PATJ: variants seen among roughly 807,000 people sequenced by gnomAD.
PATJ encodes PATJ crumbs cell polarity complex component, also known as inaD-like protein.
Under a neutral mutation model 224.9 loss-of-function variants are expected in PATJ, and 190 were observed. The ratio of observed to expected loss-of-function variants is 0.84; its 90% CI spans 0.75 to 0.95. The LOEUF (loss-of-function observed/expected upper bound fraction) is 0.95, where lower values mean the gene tolerates loss of function less well. Among genes scored for constraint, PATJ ranks in the 40% least tolerant of loss-of-function variants. The pLI, the probability that PATJ is intolerant of heterozygous loss-of-function variation, is 0.00. For missense variants in PATJ, 2,121 were observed against 2,270.3 expected (o/e 0.93, Z 1.34); for synonymous variants, 769 against 820.3 (o/e 0.94, Z 1.07).
At chr1:62,103,049 C>T (rs980447009) in intron 33 of PATJ, among the ~76,000 whole-genome samples, 1 of 152,008 alleles carries the variant, frequency 6.6e-6, no homozygotes, top group Non-Finnish European at 1.5e-5. Flanking sequence ...TTCCACAAGT[C>T]ATCTTTTTGT....
At chr1:62,037,201 A>T (rs59007778) in intron 29 of PATJ, among the ~76,000 whole-genome samples, 184 of 152,320 alleles carry the variant, frequency 1.2e-3, no homozygotes, top group African/African-American at 4.2e-3. Context: ...CAAACTTCAC[A>T]TAAATCTTGA....
intron 15 of PATJ, among the ~76,000 whole-genome samples, chr1:61,823,924 A>T (rs1657740989): frequency 6.6e-6 from 1 of 152,212 alleles, no homozygotes; most frequent in South Asian, 2.1e-4. Flanking sequence ...AAATTCTGTC[A>T]TAAGCATGGG....
intron 41 of PATJ, among the ~76,000 whole-genome samples, chr1:62,139,182 C>T (rs559884205): frequency 1.6e-4 from 24 of 152,114 alleles, no homozygotes; most frequent in Admixed American, 3.9e-4. Flanking sequence ...AGGCGGATCA[C>T]GTGAGGTTGG....
chr1:61,839,914 C>T (rs1189638548), intron 17 of PATJ, among the ~76,000 whole-genome samples: 2 of 151,796 alleles, frequency 1.3e-5, no homozygotes, highest in African/African-American at 4.8e-5. Flanking sequence ...ATAACATAGC[C>T]ATTGGGAGGT....
intron 27 of PATJ, chr1:61,952,471 T>C (rs1679861338): frequency 1.4e-6 from 1 of 716,418 alleles, no homozygotes; most frequent in Non-Finnish European, 2.6e-6. Flanking sequence ...TGATGCTGTT[T>C]TAGTGTTGGT....
At chr1:61,768,472 A>AAATAAATAAATAAAT (rs1557608338) in intron 4 of PATJ, among the ~76,000 whole-genome samples, 202 of 149,414 alleles carry the variant, frequency 1.4e-3, no homozygotes, top group African/African-American at 4.4e-3. Context: ...TCCGTCTCAA[A>AAATAAATAAATAAAT]AAATAAATAA....
At position 61,864,648 on chromosome 1, in the gene PATJ, T is replaced by G. The variant is rs1312331731; in HGVS notation, c.2835+15T>G. ...CTGAAAATGTGGTAAGAGATTAGAA[T>G]AGATATTCCACACCTCCCCTTCTGC... is the stretch of plus-strand genomic sequence containing the variant. On this transcript the variant is annotated intron_variant, in intron 20 of 43. Coordinates refer to ENST00000642238, the MANE Select transcript of PATJ (RefSeq NM_001350145.3). The G allele has an allele frequency of 5.1e-6, 8 of 1,570,538 alleles. No individual in the cohort carries two copies. The highest frequency in any genetic ancestry group is 6.9e-6 in the Non-Finnish European group (8 of 1,157,802).
intron 30 of PATJ, among the ~76,000 whole-genome samples, chr1:62,045,290 T>C (rs1652329972): frequency 6.6e-6 from 1 of 152,180 alleles, no homozygotes; most frequent in African/African-American, 2.4e-5. Context: ...TTAACTTTTA[T>C]TGAATGCCTA....
chr1:61,806,461 T>G (rs181855878), intron 13 of PATJ, among the ~76,000 whole-genome samples: 179 of 151,558 alleles, frequency 1.2e-3, no homozygotes, highest in African/African-American at 4.2e-3. Flanking sequence ...CTACTAAAAA[T>G]ACAAAAAATT....
At chr1:61,894,405 T>C (rs1050312199) in intron 22 of PATJ, among the ~76,000 whole-genome samples, 3 of 152,140 alleles carry the variant, frequency 2.0e-5, no homozygotes, top group African/African-American at 7.2e-5. Context: ...TCATCTCAAA[T>C]TGTAATCCCC....
rs772801549 is a variant in PATJ at position 62,160,900 on chromosome 1, G to C, written c.5503-8G>C. The C allele has an allele frequency of 3.1e-6, 5 of 1,613,552 alleles. No individual in the cohort carries two copies. Among genetic ancestry groups the C allele is most frequent in the Non-Finnish European group, 3.4e-6 (4 of 1,179,772 alleles). On this transcript the variant is annotated splice_region_variant and splice_polypyrimidine_tract_variant and intron_variant, in intron 43 of 43. Coordinates refer to ENST00000642238, the MANE Select transcript of PATJ (RefSeq NM_001350145.3). ...CCTGGATTAAACTGAAATGTTTCTT[G>C]TTTGTAGGGAGCAGCTGCAGATGAC...
At chr1:61,749,930 G>C (rs1316357899) in intron 1 of PATJ, among the ~76,000 whole-genome samples, 1 of 151,956 alleles carries the variant, frequency 6.6e-6, no homozygotes, top group Non-Finnish European at 1.5e-5. Context: ...TGCCTGCCTT[G>C]GCCTCCCAAA....
intron 26 of PATJ, among the ~76,000 whole-genome samples, chr1:61,918,366 G>A (rs988243327): frequency 1.4e-5 from 2 of 143,348 alleles, no homozygotes; most frequent in African/African-American, 5.2e-5. Context: ...GGAGTGAAGT[G>A]GCATGGCATC....
chr1:61,769,582 C>G (rs1223405977), intron 5 of PATJ, among the ~76,000 whole-genome samples, 160 bp downstream of exon 5: 3 of 152,140 alleles, frequency 2.0e-5, no homozygotes, highest in African/African-American at 4.8e-5. Context: ...TGCGAAAATC[C>G]TATACCCCAT....
At chr1:61,743,321 C>T (rs1478242040) in intron 1 of PATJ, among the ~76,000 whole-genome samples, 2 of 152,240 alleles carry the variant, frequency 1.3e-5, no homozygotes, top group Non-Finnish European at 2.9e-5. Flanking sequence ...CCCCAGCCGT[C>T]CCGCACGCAG....
chr1:61,757,568 T>G (rs1270920422), intron 1 of PATJ, among the ~76,000 whole-genome samples: 1 of 151,902 alleles, frequency 6.6e-6, no homozygotes, highest in Non-Finnish European at 1.5e-5. Context: ...GTGTTTTATG[T>G]AGATACAGGG....
chr1:62,084,286 C>G (rs1011365002), intron 32 of PATJ, among the ~76,000 whole-genome samples: 1 of 151,998 alleles, frequency 6.6e-6, no homozygotes, highest in African/African-American at 2.4e-5. Flanking sequence ...AGATTTAAAA[C>G]TTTCAAGTAA....
intron 37 of PATJ, 125 bp from the exon 38 acceptor site, chr1:62,121,056 C>A: frequency 1.6e-6 from 1 of 621,242 alleles, no homozygotes; most frequent in Non-Finnish European, 2.8e-6. Context: ...TCTTTCCTGG[C>A]CTCCTCACGA....
At chr1:62,019,342 C>T (rs907550453) in intron 29 of PATJ, among the ~76,000 whole-genome samples, 13 of 151,056 alleles carry the variant, frequency 8.6e-5, no homozygotes, top group Admixed American at 5.9e-4. Context: ...GCCAAGCCAA[C>T]ATGGTGAAAC....
Sources: gnomAD v4.1 joint callset for allele counts (sites outside exome capture counted in the v4.1 genomes callset) on GRCh38, gnomAD v4.1.1 for gene constraint, MANE v1.5 for transcripts, NCBI Gene and HGNC (gene_info 2026-07-23, HGNC 2026-07-21) for gene names.